Variants in HECW2 observed in about 807,000 individuals in gnomAD.
HECW2 encodes HECT, C2 and WW domain containing E3 ubiquitin protein ligase 2.
A neutral mutation model predicts 175.2 loss-of-function variants in HECW2; 61 were observed. The ratio of observed to expected loss-of-function variants is 0.35; its 90% CI spans 0.28 to 0.43. The LOEUF (loss-of-function observed/expected upper bound fraction) is 0.43, where lower values mean the gene tolerates loss of function less well. Ranked by LOEUF, HECW2 falls within the 20% of genes least tolerant of loss-of-function variation. HECW2 has a pLI of 1.00. For missense variants in HECW2, 1,524 were observed against 2,000.5 expected, an observed-to-expected ratio of 0.76 and a Z score of 4.54; for synonymous variants, 671 against 731.0, an observed-to-expected ratio of 0.92 and a Z score of 1.32.
At position 196,507,984 on chromosome 2, in the gene HECW2, A is replaced by C. The variant is rs78513592; in HGVS notation, c.-35-74526T>G. Among the ~76,000 whole-genome samples the C allele has an allele frequency of 3.7e-3, 564 of 152,326 alleles. 4 individuals carry two copies. The highest frequency in any genetic ancestry group is 6.5e-3 in the Non-Finnish European group (442 of 68,022). ...CAATATGCTCTGGAAGCAGGGGTCCATTGTTTCAAACTGTTCTGGAAATTT... is the reference window on the plus strand; with the variant it reads ...CAATATGCTCTGGAAGCAGGGGTCCCTTGTTTCAAACTGTTCTGGAAATTT... On this transcript the variant is annotated intron_variant, in intron 1 of 28. Transcript: ENST00000644978.
At chr2:196,546,223 C>T (rs1056463703) in intron 1 of HECW2, among the ~76,000 whole-genome samples, 10 of 152,122 alleles carry the variant, frequency 6.6e-5, no homozygotes, top group Non-Finnish European at 1.5e-4. Context: ...TGAGGACCTC[C>T]CCTTAGTGCC....
intron 14 of HECW2, among the ~76,000 whole-genome samples, chr2:196,281,277 G>C (rs6749727): frequency 0.95 from 144,136 of 152,178 alleles, 68,445 homozygotes; most frequent in Non-Finnish European, 0.98. Flanking sequence ...AAACAAATTG[G>C]CAAAAACTTG....
chr2:196,422,529 GAGCCT>G (rs2125248611), intron 2 of HECW2, among the ~76,000 whole-genome samples: 1 of 152,126 alleles, frequency 6.6e-6, no homozygotes, highest in East Asian at 1.9e-4. Context: ...AGAAGGTGAT[GAGCCT>G]GAGTCCCTAA....
intron 1 of HECW2, among the ~76,000 whole-genome samples, chr2:196,491,575 C>T (rs1687199745): frequency 6.7e-6 from 1 of 150,236 alleles, no homozygotes; most frequent in Non-Finnish European, 1.5e-5. Context: ...ATAATATATA[C>T]ACATAGATAT....
intron 4 of HECW2, chr2:196,331,121 G>T: frequency 1.0e-6 from 1 of 983,796 alleles, no homozygotes; most frequent in Non-Finnish European, 1.2e-6. Flanking sequence ...TATTTTGTGT[G>T]CCACTTAACT....
In HECW2 at chr2:196,199,853, CTTAATA is replaced by C. The variant is rs1686800828; in HGVS notation, c.*1418_*1423del. 1 of 152,204 alleles carries C rather than the reference CTTAATA, an allele frequency of 6.6e-6. No individual in the cohort carries two copies. Among genetic ancestry groups the C allele is most frequent in the Admixed American group, 6.6e-5 (1 of 15,264 alleles). 9.4% of individuals were successfully genotyped at this position (152,204 alleles called of 1,614,324 possible). ...TGGAGATGCCATAGAAAAACTGTCT[CTTAATA>C]TTAATAAGAAAATTATGCATCAGTG... On this transcript the variant is annotated 3_prime_UTR_variant, in exon 29 of 29. Coordinates refer to ENST00000644978, the MANE Select transcript of HECW2 (RefSeq NM_001348768.2).
At chr2:196,226,186 C>T (rs1687843751) in intron 22 of HECW2, among the ~76,000 whole-genome samples, 3 of 151,960 alleles carry the variant, frequency 2.0e-5, no homozygotes, top group Admixed American at 2.0e-4. Context: ...AGTGAGTTCT[C>T]ATGAAATCTG....
intron 2 of HECW2, among the ~76,000 whole-genome samples, chr2:196,365,468 C>G (rs1340526795): frequency 6.6e-6 from 1 of 152,230 alleles, no homozygotes; most frequent in African/African-American, 2.4e-5. Flanking sequence ...GTCTGCCTAT[C>G]TGCTGCAATT....
At chr2:196,559,441 C>T (rs1460245179) in intron 1 of HECW2, among the ~76,000 whole-genome samples, 1 of 152,204 alleles carries the variant, frequency 6.6e-6, no homozygotes, top group African/African-American at 2.4e-5. Flanking sequence ...ATATATCAAG[C>T]TGCCATCAAC....
intron 1 of HECW2, among the ~76,000 whole-genome samples, chr2:196,455,364 A>G (rs13402395): frequency 0.13 from 20,122 of 152,174 alleles, 1,799 homozygotes; most frequent in African/African-American, 0.26. Context: ...CTTTTTCTAA[A>G]GTAGTCAATC....
intron 14 of HECW2, among the ~76,000 whole-genome samples, chr2:196,282,005 T>A (rs193275584): frequency 6.6e-6 from 1 of 152,230 alleles, no homozygotes; most frequent in South Asian, 2.1e-4. Context: ...GCATGCTGCC[T>A]GTGACACGTC....
At chr2:196,311,928 G>A (rs749532467) in intron 10 of HECW2, among the ~76,000 whole-genome samples, 2 of 152,168 alleles carry the variant, frequency 1.3e-5, no homozygotes, top group Non-Finnish European at 2.9e-5. Flanking sequence ...AGGGAAAGTC[G>A]GAGAATTAGA....
At chr2:196,280,816 T>C (rs1485589129) in intron 14 of HECW2, among the ~76,000 whole-genome samples, 3 of 152,330 alleles carry the variant, frequency 2.0e-5, no homozygotes, top group Non-Finnish European at 4.4e-5. Context: ...AAATAGCAAT[T>C]AAACTATTTT....
rs550654759 is a variant in HECW2 at position 196,355,025 on chromosome 2, T to G, written c.293-11261A>C. On this transcript the variant is annotated intron_variant, in intron 2 of 28. Transcript: ENST00000644978. The stretch of plus-strand genomic sequence containing the variant: ...ACATAGGATTTGTGAGAACTCAAAT[T>G]CTTTGATAATGCTCAAATGGAAAAT... Among the ~76,000 whole-genome samples, 22 of 152,352 alleles carry G rather than the reference T, an allele frequency of 1.4e-4. No individual in the cohort carries two copies. In the South Asian group the frequency reaches 4.3e-3, roughly 30 times the overall value.
At chr2:196,508,497 G>A (rs1027550836) in intron 1 of HECW2, among the ~76,000 whole-genome samples, 3 of 152,214 alleles carry the variant, frequency 2.0e-5, no homozygotes, top group East Asian at 1.9e-4. Context: ...CAAAGTTCAC[G>A]GATTATAAAA....
chr2:196,517,964 C>T (rs1390496042), intron 1 of HECW2, among the ~76,000 whole-genome samples: 1 of 152,198 alleles, frequency 6.6e-6, no homozygotes, highest in African/African-American at 2.4e-5. Flanking sequence ...TCCCTTCACA[C>T]TGCACCCCTT....
At chr2:196,545,378 T>C (rs942490992) in intron 1 of HECW2, among the ~76,000 whole-genome samples, 2 of 152,056 alleles carry the variant, frequency 1.3e-5, no homozygotes, top group Non-Finnish European at 2.9e-5. Flanking sequence ...AGAGAGAGCA[T>C]TGACTGAAAA....
rs1336896477 is a variant in HECW2, at chr2:196,329,521, A to G, written c.571+54T>C. ...TCTGCAGAAAGAAGTGACTATTCATACCTTCGAAACTGTACACTTTCAAAC... is the reference window on the plus strand; with the variant it reads ...TCTGCAGAAAGAAGTGACTATTCATGCCTTCGAAACTGTACACTTTCAAAC... On this transcript the variant is annotated intron_variant, in intron 5 of 28. Transcript: ENST00000644978. 4 of 1,427,274 alleles carry G rather than the reference A, an allele frequency of 2.8e-6. No homozygotes were observed. The Admixed American group carries it at 6.7e-5, about 24-fold the overall frequency. The allele number at this position is 1,427,274 out of a possible 1,614,324, so 88.4% of individuals were successfully genotyped here.
At chr2:196,287,432 G>C (rs1454592327) in intron 14 of HECW2, among the ~76,000 whole-genome samples, 1 of 151,974 alleles carries the variant, frequency 6.6e-6, no homozygotes, top group East Asian at 1.9e-4. Flanking sequence ...TCTTGATTTA[G>C]GCCCAAAGAG....
Sources: gnomAD v4.1 joint callset for allele counts (sites outside exome capture counted in the v4.1 genomes callset) on GRCh38, gnomAD v4.1.1 for gene constraint, MANE v1.5 for transcripts, NCBI Gene and HGNC (gene_info 2026-07-23, HGNC 2026-07-21) for gene names.